Variants in ZNF320 observed in about 807,000 individuals in gnomAD.
ZNF320 encodes the protein zinc finger protein 320, also known as zinc finger gene 320.
Under a neutral mutation model 6.8 loss-of-function variants are expected in ZNF320, and 2 were observed. The observed-to-expected ratio is 0.29, with a 90% CI of 0.12 to 0.93. The LOEUF (loss-of-function observed/expected upper bound fraction) is 0.93. ZNF320 is among the 40% of genes least tolerant of loss of function. The pLI is 0.55. For missense variants in ZNF320, 472 were observed against 611.0 expected (o/e 0.77, Z 2.40); for synonymous variants, 208 against 203.2 (o/e 1.02, Z -0.20).
chr19:52,877,766 G>A lies in ZNF320; in HGVS notation c.*2830C>T, dbSNP rs1412427956. The stretch of plus-strand genomic sequence containing the variant: ...TTTTATTTTCCTTTCACAAGCTTGT[G>A]ACAGCCATAATGCTTTGACACACTG... On this transcript the variant is annotated 3_prime_UTR_variant, in exon 6 of 6. Transcript: ENST00000682928. 2 of 152,088 alleles carry A rather than the reference G, an allele frequency of 1.3e-5. No individual in the cohort carries two copies. The highest frequency in any genetic ancestry group is 1.9e-4 in the East Asian group (1 of 5,188). 9.4% of individuals were successfully genotyped at this position (152,088 alleles called of 1,614,324 possible).
At chr19:52,894,277 C>G (rs2064402370) in intron 1 of ZNF320, 1 of 151,398 alleles carries the variant, frequency 6.6e-6, no homozygotes, top group Non-Finnish European at 1.5e-5. Context: ...CCCAGGTACT[C>G]TGGAGGCTGA....
Position 52,891,337 on chromosome 19 carries a change from G to A in ZNF320, c.-182C>T, listed in dbSNP as rs1224380375. ...GACTGCACTCACAGCCTGAAGGACAGAGTGAGACTCTGTTTGAGGAAGAGA... is the reference window on the plus strand; with the variant it reads ...GACTGCACTCACAGCCTGAAGGACAAAGTGAGACTCTGTTTGAGGAAGAGA... On this transcript the variant is annotated 5_prime_UTR_variant, in exon 3 of 6. Coordinates refer to ENST00000682928, the MANE Select transcript of ZNF320 (RefSeq NM_001351774.2). The A allele has an allele frequency of 6.6e-6, 1 of 151,312 alleles. No individual in the cohort carries two copies. The highest frequency in any genetic ancestry group is 1.5e-5 in the Non-Finnish European group (1 of 67,904). 9.4% of individuals were successfully genotyped at this position (151,312 alleles called of 1,614,324 possible). A position where few individuals can be genotyped will look rare whatever the true frequency, so the allele number is the denominator to read the frequency against.
chr19:52,889,767 T>G (rs760255722), intron 4 of ZNF320, among the ~76,000 whole-genome samples: 3 of 152,236 alleles, frequency 2.0e-5, no homozygotes, highest in Admixed American at 6.5e-5. Context: ...AGAAACACAG[T>G]AAGTCACTCA....
intron 2 of ZNF320, among the ~76,000 whole-genome samples, chr19:52,893,148 C>A (rs531216320): frequency 6.5e-4 from 99 of 152,100 alleles, no homozygotes; most frequent in Non-Finnish European, 9.7e-4. Context: ...TTGGCCCACA[C>A]AATCACAGGA....
At chr19:52,869,131 T>G (rs186494784) in intron 5 of ZNF320, among the ~76,000 whole-genome samples, 3 of 152,206 alleles carry the variant, frequency 2.0e-5, no homozygotes, top group Admixed American at 1.3e-4. Context: ...TCCACTAGGA[T>G]AGACCAAATC....
Position 52,880,331 on chromosome 19 carries a change from G to C in ZNF320, c.*265C>G, listed in dbSNP as rs111594356. On this transcript the variant is annotated 3_prime_UTR_variant, in exon 6 of 6. Coordinates refer to ENST00000682928, the MANE Select transcript of ZNF320 (RefSeq NM_001351774.2). Reference sequence around the variant, plus strand: ...TCACTGCACTCCAACGTGGGCGACAGAGCAAGATTCCATCTTAAAAATAAA... The same window carrying C: ...TCACTGCACTCCAACGTGGGCGACACAGCAAGATTCCATCTTAAAAATAAA... 1,555 of 348,794 alleles carry C rather than the reference G, an allele frequency of 4.5e-3. 30 individuals carry two copies. Among genetic ancestry groups the C allele is most frequent in the African/African-American group, 0.031 (1,446 of 47,074 alleles). The allele number at this position is 348,794 out of a possible 1,614,324, so 21.6% of individuals were successfully genotyped here.
In ZNF320 at chr19:52,876,805, T is replaced by C. The variant is rs1429687392; in HGVS notation, c.*3791A>G. ...AGCCAGAGCACCTGGTCTATTTTTT[T>C]TTTTTTAAATTAAGAAACACGTTGG... is the stretch of plus-strand genomic sequence containing the variant. On this transcript the variant is annotated 3_prime_UTR_variant, in exon 6 of 6. Transcript: ENST00000682928. 2.1e-5 allele frequency: 3 copies of C among 146,246 alleles called. No individual in the cohort carries two copies. The highest frequency in any genetic ancestry group is 6.7e-5 in the Admixed American group (1 of 14,836). The allele number at this position is 146,246 out of a possible 1,614,324, so 9.1% of individuals were successfully genotyped here.
intron 5 of ZNF320, among the ~76,000 whole-genome samples, chr19:52,883,226 G>T (rs77225211): frequency 6.6e-6 from 1 of 151,776 alleles, no homozygotes; most frequent in Non-Finnish European, 1.5e-5. Context: ...ACTTTTAATA[G>T]AGATGGGCTT....
intron 5 of ZNF320, among the ~76,000 whole-genome samples, chr19:52,883,862 G>A (rs2063997093): frequency 6.6e-6 from 1 of 152,162 alleles, no homozygotes; most frequent in Admixed American, 6.5e-5. Flanking sequence ...TAGTGCCACT[G>A]CACTCTAGCC....
intron 4 of ZNF320, among the ~76,000 whole-genome samples, chr19:52,889,993 G>C (rs1446849870): frequency 6.6e-6 from 1 of 151,926 alleles, no homozygotes. Flanking sequence ...CCCTCACCCC[G>C]TCTCCATCCA....
At chr19:52,899,961 A>G (rs2064566229), upstream of ZNF320, among the ~76,000 whole-genome samples, 1 of 152,178 alleles carries the variant, frequency 6.6e-6, no homozygotes, top group South Asian at 2.1e-4. Flanking sequence ...GAGGTCATTT[A>G]TCATCTTTCT....
exon 6 of ZNF320, among the ~76,000 whole-genome samples, chr19:52,863,079 C>A (rs1320612644): frequency 6.6e-6 from 1 of 152,130 alleles, no homozygotes; most frequent in African/African-American, 2.4e-5. Context: ...CCTGCCTCAA[C>A]CTTTCGAGTA....
chr19:52,883,682 G>A (rs1436639235), intron 5 of ZNF320: 1 of 444,384 alleles, frequency 2.3e-6, no homozygotes, highest in Admixed American at 2.5e-5. Context: ...GGTGGATCAT[G>A]AGGTCAGGAG....
intron 1 of ZNF320, among the ~76,000 whole-genome samples, chr19:52,896,029 CAT>C (rs1332835878): frequency 6.6e-6 from 1 of 152,134 alleles, no homozygotes; most frequent in East Asian, 1.9e-4. Flanking sequence ...ATTTTGAACT[CAT>C]ATCATAGTTG....
downstream of ZNF320, among the ~76,000 whole-genome samples, chr19:52,871,290 A>C (rs1223451767): frequency 1.3e-5 from 2 of 152,098 alleles, no homozygotes; most frequent in Non-Finnish European, 2.9e-5. Flanking sequence ...TTGTACTCCA[A>C]AACTAAGCCA....
intron 5 of ZNF320, among the ~76,000 whole-genome samples, chr19:52,868,241 T>G (rs2063613622): frequency 6.6e-6 from 1 of 152,122 alleles, no homozygotes; most frequent in Non-Finnish European, 1.5e-5. Flanking sequence ...GCGCAGTGGC[T>G]CACGCTTGTA....
At chr19:52,864,688 G>A (rs2063512557) in intron 5 of ZNF320, among the ~76,000 whole-genome samples, 1 of 152,084 alleles carries the variant, frequency 6.6e-6, no homozygotes, top group Non-Finnish European at 1.5e-5. Context: ...TATAGCTGGA[G>A]CAACAGAGAG....
In ZNF320 at chr19:52,866,004, TATATTTATATATTATAC is replaced by T. The variant is rs547007840; in HGVS notation, c.224-1862_224-1846del. Among the ~76,000 whole-genome samples, 522 of 88,560 alleles carry T rather than the reference TATATTTATATATTATAC, an allele frequency of 5.9e-3. 13 individuals are homozygous for T. The highest frequency in any genetic ancestry group is 0.027 in the African/African-American group (505 of 18,986). 58.1% of individuals were successfully genotyped at this position (88,560 alleles called of 152,430 possible). On this transcript the variant is annotated intron_variant, in intron 5 of 5. Transcript: ENST00000673631. ...ATATTTATATATATGATTATACATA[TATATTTATATATTATAC>T]ATATTTATATATATGATTATACATA...
At chr19:52,869,937 C>G (rs926965627) in intron 5 of ZNF320, among the ~76,000 whole-genome samples, 3 of 151,366 alleles carry the variant, frequency 2.0e-5, no homozygotes, top group Non-Finnish European at 4.4e-5. Context: ...AGGATGGTCT[C>G]GATCTCCTGA....
Sources: gnomAD v4.1 joint callset for allele counts (sites outside exome capture counted in the v4.1 genomes callset) on GRCh38, gnomAD v4.1.1 for gene constraint, MANE v1.5 for transcripts, NCBI Gene and HGNC (gene_info 2026-07-23, HGNC 2026-07-21) for gene names.